Variants in NTNG2 observed in about 807,000 individuals in gnomAD.
NTNG2 encodes the protein netrin G2, also known as netrin-G2.
In NTNG2, 15 loss-of-function variants were observed where a neutral mutation model predicts 47.6. That is an observed-to-expected ratio of 0.32 (90% CI 0.21 to 0.49). The LOEUF is 0.49. Ranked by LOEUF, NTNG2 falls within the 20% of genes least tolerant of loss-of-function variation. NTNG2 has a pLI of 0.99. For synonymous variants in NTNG2, 307 were observed against 324.6 expected (o/e 0.95, Z 0.58); for missense variants, 578 against 764.6 (o/e 0.76, Z 2.88).
At position 132,163,307 on chromosome 9, in the gene NTNG2, A is replaced by C. The variant is rs1475468493; in HGVS notation, c.-484+1068A>C. Among the ~76,000 whole-genome samples the C allele has an allele frequency of 4.0e-5, 6 of 148,422 alleles. No individual in the cohort carries two copies. The highest frequency in any genetic ancestry group is 1.5e-4 in the African/African-American group (6 of 40,044). ...TCGACCCCGCCCGCGGCCCGCCGGG[A>C]CCCACCCGGGAGCTGCTGCTCGCGC... On this transcript the variant is annotated intron_variant, in intron 1 of 7. Coordinates refer to ENST00000393229, the MANE Select transcript of NTNG2 (RefSeq NM_032536.4). The surrounding 1 kb of genome is among the most constrained non-coding windows in gnomAD (Gnocchi z 7.2).
intron 3 of NTNG2, among the ~76,000 whole-genome samples, chr9:132,201,441 G>A (rs1167176134): frequency 2.6e-5 from 4 of 152,242 alleles, no homozygotes; most frequent in East Asian, 1.9e-4. Context: ...ACGGTTCAGC[G>A]AAGGACTGAG....
At chr9:132,239,312 G>T in intron 6 of NTNG2, 41 bp downstream of exon 6, 1 of 1,609,226 alleles carries the variant, frequency 6.2e-7, no homozygotes, top group African/African-American at 1.3e-5. Flanking sequence ...TTGCTGGAAT[G>T]CGTGCAGGGT....
intron 3 of NTNG2, among the ~76,000 whole-genome samples, chr9:132,222,379 C>G (rs1840409422): frequency 1.3e-5 from 2 of 152,220 alleles, no homozygotes; most frequent in South Asian, 4.1e-4. Context: ...CATAGCAGTC[C>G]TGCAGCACGC....
At chr9:132,214,668 A>G (rs532115759) in intron 3 of NTNG2, among the ~76,000 whole-genome samples, 1 of 152,352 alleles carries the variant, frequency 6.6e-6, no homozygotes, top group Non-Finnish European at 1.5e-5. Flanking sequence ...GAGAGAAGTC[A>G]GGGTCTGAGC....
chr9:132,244,083 G>C lies in NTNG2; in HGVS notation c.*1972G>C, dbSNP rs1842132827. On this transcript the variant is annotated 3_prime_UTR_variant, in exon 8 of 8. Transcript: ENST00000393229. Reference sequence around the variant, plus strand: ...GCTCTGGGCAGTGAGATGTAAGCAGGACTGATGGGTGGGCTTCCAGAAAGT... The same window carrying C: ...GCTCTGGGCAGTGAGATGTAAGCAGCACTGATGGGTGGGCTTCCAGAAAGT... 4 of 152,248 alleles carry C rather than the reference G, an allele frequency of 2.6e-5. No homozygotes were observed. 9.4% of individuals were successfully genotyped at this position (152,248 alleles called of 1,614,324 possible).
At chr9:132,213,405 G>A (rs979307777) in intron 3 of NTNG2, among the ~76,000 whole-genome samples, 2 of 150,828 alleles carry the variant, frequency 1.3e-5, no homozygotes, top group South Asian at 4.2e-4. Flanking sequence ...CAACCTTGAG[G>A]CCGTCCATCG....
rs887784772 is a variant in NTNG2 at position 132,242,881 on chromosome 9, G to A, written c.*770G>A. ...TGTTGGGGACGGTGGGCAGGTGTGGGGCTTACAGAGGAATCCACAACACAG... is the reference window on the plus strand; with the variant it reads ...TGTTGGGGACGGTGGGCAGGTGTGGAGCTTACAGAGGAATCCACAACACAG... On this transcript the variant is annotated 3_prime_UTR_variant, in exon 8 of 8. Coordinates refer to ENST00000393229, the MANE Select transcript of NTNG2 (RefSeq NM_032536.4). This position sits in a 1 kb window ranked among gnomAD's most constrained non-coding sequence, Gnocchi z 5.9. The A allele has an allele frequency of 6.6e-6, 1 of 152,162 alleles. No individual in the cohort carries two copies. Among genetic ancestry groups the A allele is most frequent in the Non-Finnish European group, 1.5e-5 (1 of 68,054 alleles). The allele number at this position is 152,162 out of a possible 1,614,324, so 9.4% of individuals were successfully genotyped here. A position where few individuals can be genotyped will look rare whatever the true frequency, so the allele number is the denominator to read the frequency against.
At chr9:132,194,886 G>A (rs75398539) in intron 2 of NTNG2, among the ~76,000 whole-genome samples, 3,006 of 152,350 alleles carry the variant, frequency 0.02, 98 homozygotes, top group African/African-American at 0.068. Flanking sequence ...CACCTGGTGG[G>A]GGCCGCGGGG....
chr9:132,236,913 G>A lies in NTNG2; in HGVS notation c.1055-2191G>A. ...GGATTCACTTCGGCTGGAGCAGGAA[G>A]AGTGTTTCAGAAAGGAAGGGAGATG... On this transcript the variant is annotated intron_variant, in intron 5 of 7. Coordinates refer to ENST00000393229, the MANE Select transcript of NTNG2 (RefSeq NM_032536.4). The surrounding 1 kb of genome is among the most constrained non-coding windows in gnomAD (Gnocchi z 4.3). Among the ~76,000 whole-genome samples the A allele has an allele frequency of 6.6e-6, 1 of 152,346 alleles. No homozygotes were observed.
chr9:132,208,460 C>T lies in NTNG2; in HGVS notation c.857+9851C>T, dbSNP rs1039781786. Among the ~76,000 whole-genome samples, 6 of 152,068 alleles carry T rather than the reference C, an allele frequency of 3.9e-5. No individual in the cohort carries two copies. Among genetic ancestry groups the T allele is most frequent in the African/African-American group, 7.2e-5 (3 of 41,406 alleles). ...GTTTGGAAATCTGAGTTGGGGGTGG[C>T]GGTGCTGGAGGCCTGCAGGAGACTG... On this transcript the variant is annotated intron_variant, in intron 3 of 7. Coordinates refer to ENST00000393229, the MANE Select transcript of NTNG2 (RefSeq NM_032536.4). This position sits in a 1 kb window ranked among gnomAD's most constrained non-coding sequence, Gnocchi z 4.0.
chr9:132,225,297 G>T (rs1185663443), intron 3 of NTNG2, among the ~76,000 whole-genome samples: 6 of 151,572 alleles, frequency 4.0e-5, no homozygotes, highest in African/African-American at 1.2e-4. Flanking sequence ...TGGAGACAGA[G>T]TCTTGCTCTG....
In NTNG2 at chr9:132,226,579, T is replaced by C. The variant is rs1020839794; in HGVS notation, c.858-270T>C. On this transcript the variant is annotated intron_variant, in intron 3 of 7. Transcript: ENST00000393229. The surrounding 1 kb of genome is among the most constrained non-coding windows in gnomAD (Gnocchi z 4.8). ...GTATCATCACTCTCCCCAACTGAGA[T>C]GTGAGGAATCCTTGAAACCAGCATC... is the stretch of plus-strand genomic sequence containing the variant. Among the ~76,000 whole-genome samples the C allele has an allele frequency of 2.6e-5, 4 of 152,206 alleles. No individual in the cohort carries two copies. The highest frequency in any genetic ancestry group is 2.6e-4 in the Admixed American group (4 of 15,276).
In NTNG2 at chr9:132,215,816, G is replaced by A. The variant is rs950147541; in HGVS notation, c.858-11033G>A. The stretch of plus-strand genomic sequence containing the variant: ...CACCTCAGGGCTGCCAGGTAAGGCC[G>A]ATCTTGGCACCTGGGAGCCCATGTA... On this transcript the variant is annotated intron_variant, in intron 3 of 7. Coordinates refer to ENST00000393229, the MANE Select transcript of NTNG2 (RefSeq NM_032536.4). This position sits in a 1 kb window ranked among gnomAD's most constrained non-coding sequence, Gnocchi z 4.2. 2.0e-5 allele frequency among the ~76,000 whole-genome samples: 3 copies of A among 152,152 alleles called. No homozygotes were observed. Among genetic ancestry groups the A allele is most frequent in the East Asian group, 3.9e-4 (2 of 5,188 alleles).
intron 1 of NTNG2, among the ~76,000 whole-genome samples, chr9:132,165,159 G>A (rs1233409138): frequency 6.6e-6 from 1 of 152,090 alleles, no homozygotes; most frequent in Non-Finnish European, 1.5e-5. Context: ...TGCCCTATTG[G>A]CCAATATTTT....
At chr9:132,229,473 C>T (rs966662512) in intron 4 of NTNG2, among the ~76,000 whole-genome samples, 5 of 152,160 alleles carry the variant, frequency 3.3e-5, no homozygotes, top group Non-Finnish European at 5.9e-5. Flanking sequence ...ACCTCCTCAC[C>T]ACTCTGCCCC....
intron 2 of NTNG2, among the ~76,000 whole-genome samples, chr9:132,185,810 C>CCT (rs1306474457): frequency 2.8e-5 from 4 of 144,850 alleles, no homozygotes; most frequent in Admixed American, 1.4e-4. Flanking sequence ...AGACTGAGCC[C>CCT]CTGTGTGTGC....
chr9:132,230,598 A>G lies in NTNG2; in HGVS notation c.1054+3A>G, dbSNP rs892653805. The G allele has an allele frequency of 3.7e-6, 6 of 1,604,546 alleles. No homozygotes were observed. Among genetic ancestry groups the G allele is most frequent in the Non-Finnish European group, 5.1e-6 (6 of 1,175,780 alleles). Reference sequence around the variant, plus strand: ...TGCCACTGCAGGTTCCTTTGGCAGTAAGTACACGCCTGGGGAGGGTGGCCA... The same window carrying G: ...TGCCACTGCAGGTTCCTTTGGCAGTGAGTACACGCCTGGGGAGGGTGGCCA... On this transcript the variant is annotated splice_donor_region_variant and intron_variant, in intron 5 of 7. Transcript: ENST00000393229.
chr9:132,178,652 T>C (rs1836674612), intron 2 of NTNG2, among the ~76,000 whole-genome samples: 1 of 151,740 alleles, frequency 6.6e-6, no homozygotes, highest in Non-Finnish European at 1.5e-5. Context: ...ATAAAACCAC[T>C]GATTAGGCCA....
rs1208656410 is a variant in NTNG2, at chr9:132,180,603, A to G, written c.213+13559A>G. On this transcript the variant is annotated intron_variant, in intron 2 of 7. Coordinates refer to ENST00000393229, the MANE Select transcript of NTNG2 (RefSeq NM_032536.4). This position sits in a 1 kb window ranked among gnomAD's most constrained non-coding sequence, Gnocchi z 4.2. The stretch of plus-strand genomic sequence containing the variant: ...GGCAAGTCTCTTCCCATTTCGGGGT[A>G]TAGACTTCCTGCCTGTAAAATGAGG... 6.6e-6 allele frequency among the ~76,000 whole-genome samples: 1 copy of G among 152,228 alleles called. No individual in the cohort carries two copies. Among genetic ancestry groups the G allele is most frequent in the African/African-American group, 2.4e-5 (1 of 41,466 alleles).
Sources: gnomAD v4.1 joint callset for allele counts (sites outside exome capture counted in the v4.1 genomes callset) on GRCh38, gnomAD v4.1.1 for gene constraint, Gnocchi (gnomAD v3.1) non-coding constraint, MANE v1.5 for transcripts, NCBI Gene and HGNC (gene_info 2026-07-23, HGNC 2026-07-21) for gene names.